MTMR6: variants seen among roughly 807,000 people sequenced by gnomAD.
MTMR6 encodes the protein phosphatidylinositol-3,5-bisphosphate 3-phosphatase MTMR6.
Under a neutral mutation model 80.1 loss-of-function variants are expected in MTMR6, and 47 were observed. The ratio of observed to expected loss-of-function variants is 0.59; its 90% CI spans 0.46 to 0.75. MTMR6 has a LOEUF of 0.75. Among genes scored for constraint, MTMR6 ranks in the 30% least tolerant of loss-of-function variants. The pLI, the probability that MTMR6 is intolerant of heterozygous loss-of-function variation, is 0.00. For synonymous variants in MTMR6, 254 were observed against 253.0 expected (o/e 1.00, Z -0.04); for missense variants, 629 against 730.9 (o/e 0.86, Z 1.61).
At chr13:25,255,084 T>A (rs922494053) in intron 9 of MTMR6, among the ~76,000 whole-genome samples, 2 of 152,212 alleles carry the variant, frequency 1.3e-5, no homozygotes, top group African/African-American at 4.8e-5. Flanking sequence ...TAAACACATA[T>A]TTGTAGTATT....
In MTMR6 at chr13:25,249,511, T is replaced by A. The variant is rs1213478742; in HGVS notation, c.1606-19A>T. ...TAATTTTCTAGAACAAACACAAATT[T>A]GAAAAAATTACTAATTGCATAAGCC... On this transcript the variant is annotated intron_variant, in intron 13 of 13. Transcript: ENST00000381801. 1 of 1,601,980 alleles carries A rather than the reference T, an allele frequency of 6.2e-7. No individual in the cohort carries two copies. The highest frequency in any genetic ancestry group is 2.2e-5 in the East Asian group (1 of 44,722).
At chr13:25,261,509 T>A (rs905874731) in intron 6 of MTMR6, among the ~76,000 whole-genome samples, 159 bp downstream of exon 6, 18 of 152,094 alleles carry the variant, frequency 1.2e-4, no homozygotes, top group African/African-American at 4.3e-4. Flanking sequence ...TAAATTGGTA[T>A]CCTTTAAATA....
intron 9 of MTMR6, among the ~76,000 whole-genome samples, chr13:25,256,538 T>A (rs79073694): frequency 0.028 from 4,205 of 152,292 alleles, 72 homozygotes; most frequent in Non-Finnish European, 0.042. Flanking sequence ...TAATTTACCA[T>A]GAGTTAAGAT....
At position 25,253,895 on chromosome 13, in the gene MTMR6, C is replaced by T. The variant is rs150032485; in HGVS notation, c.1215G>A (p.Trp405Ter). 3.1e-6 allele frequency: 5 copies of T among 1,614,002 alleles called. No homozygotes were observed. Among genetic ancestry groups the T allele is most frequent in the Non-Finnish European group, 4.2e-6 (5 of 1,180,008 alleles). The change falls in exon 11 of 14, where the codon TGG (tryptophan) becomes TGA (stop). Residue 405 changes from tryptophan to a stop codon, truncating the protein, a stop_gained. Transcript: ENST00000381801. LOFTEE classifies it high-confidence loss of function. Reference sequence around the variant, plus strand: ...CTTGTGGAAACTGTTCGGTCAAATGCCACACACATTCCAAGAACTGAGTAA... The same window carrying T: ...CTTGTGGAAACTGTTCGGTCAAATGTCACACACATTCCAAGAACTGAGTAA... ...PVFTQFLECV[W>*]HLTEQFPQAF...
At chr13:25,258,779 T>C in intron 6 of MTMR6, 87 bp from the exon 7 acceptor site, 1 of 1,214,036 alleles carries the variant, frequency 8.2e-7, no homozygotes, top group Non-Finnish European at 1.1e-6. Flanking sequence ...AGCAGTATTT[T>C]AGCTAGGAGG....
rs1380676647 is a variant in MTMR6, at chr13:25,287,253, G to A, written c.-6C>T. ...GTCGTCCGGATATGCTCCATCGCAA[G>A]GAGACGTCAGCCGGCAGCCGGTCTC... On this transcript the variant is annotated 5_prime_UTR_variant, in exon 1 of 14. Transcript: ENST00000381801. 1 of 1,593,326 alleles carries A rather than the reference G, an allele frequency of 6.3e-7. No individual in the cohort carries two copies.
At chr13:25,277,103 A>G (rs1007016999) in intron 1 of MTMR6, among the ~76,000 whole-genome samples, 2 of 151,830 alleles carry the variant, frequency 1.3e-5, no homozygotes, top group South Asian at 4.2e-4. Flanking sequence ...TTCCCCTCTC[A>G]CCCCTCACAA....
chr13:25,261,105 C>T (rs978717430), intron 6 of MTMR6, among the ~76,000 whole-genome samples: 2 of 151,582 alleles, frequency 1.3e-5, no homozygotes, highest in African/African-American at 4.8e-5. Context: ...GCCAGGAGTT[C>T]GAGACCAGCC....
In MTMR6 at chr13:25,258,690, CA is replaced by C; in HGVS notation, c.728del (p.Leu243ArgfsTer35). On this transcript the variant is annotated frameshift_variant and splice_region_variant, in exon 7 of 14. Transcript: ENST00000381801. LOFTEE classifies it high-confidence loss of function. ...YMYVMDTRPK[L>X]NAMANRAAGK... ...CAGCTGCTCTGTTGGCCATTGCATTCAGCTAAAATTAAAAGTTTTAGAAATT... is the reference window on the plus strand; with the variant it reads ...CAGCTGCTCTGTTGGCCATTGCATTCGCTAAAATTAAAAGTTTTAGAAATT... The C allele has an allele frequency of 6.5e-7, 1 of 1,540,786 alleles. No individual in the cohort carries two copies. The highest frequency in any genetic ancestry group is 8.7e-7 in the Non-Finnish European group (1 of 1,154,186).
intron 1 of MTMR6, among the ~76,000 whole-genome samples, chr13:25,279,157 G>A (rs973620678): frequency 6.6e-6 from 1 of 152,088 alleles, no homozygotes; most frequent in Non-Finnish European, 1.5e-5. Context: ...CTGTGTCCCC[G>A]TCCAAATTTC....
Position 25,251,722 on chromosome 13 carries a change from G to C in MTMR6, c.1532C>G (p.Ser511Cys), listed in dbSNP as rs761969841. ...QFDRTLHPRQ[S>C]VFNIIMNMNE... ...CATATTCATAATTATATTAAATACA[G>C]ACTGCCTAGGATGCAGTGTTCGATC... Residue 511 changes from serine to cysteine, a missense_variant, in exon 13 of 14, where the codon TCT becomes TGT. Coordinates refer to ENST00000381801, the MANE Select transcript of MTMR6 (RefSeq NM_004685.5). This position sits in a 1 kb window ranked among gnomAD's most constrained non-coding sequence, Gnocchi z 4.1. 6.3e-7 allele frequency: 1 copy of C among 1,584,744 alleles called. No homozygotes were observed. The highest frequency in any genetic ancestry group is 1.1e-5 in the South Asian group (1 of 89,258).
chr13:25,274,977 C>T (rs1443131278), intron 1 of MTMR6, among the ~76,000 whole-genome samples: 1 of 145,424 alleles, frequency 6.9e-6, no homozygotes, highest in Non-Finnish European at 1.5e-5. Flanking sequence ...CACACACACA[C>T]ACACACACAC....
chr13:25,285,394 C>A (rs1957934381), intron 1 of MTMR6, among the ~76,000 whole-genome samples: 2 of 131,126 alleles, frequency 1.5e-5, no homozygotes, highest in East Asian at 5.3e-4. Flanking sequence ...TTTCCGCCCC[C>A]CCCCCCCCAA....
At chr13:25,272,779 TTC>T (rs1351788760) in intron 2 of MTMR6, among the ~76,000 whole-genome samples, 1 of 152,228 alleles carries the variant, frequency 6.6e-6, no homozygotes, top group African/African-American at 2.4e-5. Context: ...CATGATTTTG[TTC>T]TCTTTTTATG....
At chr13:25,250,629 T>C (rs1448998820) in intron 13 of MTMR6, among the ~76,000 whole-genome samples, 1 of 152,204 alleles carries the variant, frequency 6.6e-6, no homozygotes, top group African/African-American at 2.4e-5. Context: ...TATTCATCCA[T>C]AGCTGAATGG....
rs537214797 is a variant in MTMR6 at position 25,258,415 on chromosome 13, T to C, written c.859+145A>G. The C allele has an allele frequency of 1.6e-3, 907 of 583,474 alleles. 1 individual carries two copies. The highest frequency in any genetic ancestry group is 2.3e-3 in the Non-Finnish European group (839 of 365,768). The allele number at this position is 583,474 out of a possible 1,614,324, so 36.1% of individuals were successfully genotyped here. A position where few individuals can be genotyped will look rare whatever the true frequency, so the allele number is the denominator to read the frequency against. ...ACATGTTAAAATAATGTTTATAATATATTAAGTAAGGATATTATTAAAATT... is the reference window on the plus strand; with the variant it reads ...ACATGTTAAAATAATGTTTATAATACATTAAGTAAGGATATTATTAAAATT... On this transcript the variant is annotated intron_variant, in intron 7 of 13. Coordinates refer to ENST00000381801, the MANE Select transcript of MTMR6 (RefSeq NM_004685.5).
chr13:25,286,912 GA>G (rs1335403778), intron 1 of MTMR6, among the ~76,000 whole-genome samples: 1 of 152,120 alleles, frequency 6.6e-6, no homozygotes, highest in East Asian at 1.9e-4. Flanking sequence ...AAAGTTAAAG[GA>G]GCCCCAATTT....
rs56833434 is a variant in MTMR6, at chr13:25,261,303, TAAAAAAA to T, written c.726+358_726+364del. On this transcript the variant is annotated intron_variant, in intron 6 of 13. Transcript: ENST00000381801. ...AGGGTGACAGAGTGCAACTCTGTCTTAAAAAAAAAAAAAAAAAAAAAAAAAAAAAAGA... is the reference window on the plus strand; with the variant it reads ...AGGGTGACAGAGTGCAACTCTGTCTTAAAAAAAAAAAAAAAAAAAAAAAGA... 4.9e-4 allele frequency among the ~76,000 whole-genome samples: 20 copies of T among 40,868 alleles called. 1 individual carries two copies. Among genetic ancestry groups the T allele is most frequent in the African/African-American group, 1.7e-3 (20 of 11,522 alleles). 26.8% of individuals were successfully genotyped at this position (40,868 alleles called of 152,430 possible). A position where few individuals can be genotyped will look rare whatever the true frequency, so the allele number is the denominator to read the frequency against.
chr13:25,253,435 T>C (rs1957129829), intron 11 of MTMR6, among the ~76,000 whole-genome samples: 1 of 152,244 alleles, frequency 6.6e-6, no homozygotes, highest in East Asian at 1.9e-4. Flanking sequence ...ATGAGGAGAC[T>C]TTCCAGGGTG....
Sources: gnomAD v4.1 joint callset for allele counts (sites outside exome capture counted in the v4.1 genomes callset) on GRCh38, gnomAD v4.1.1 for gene constraint, Gnocchi (gnomAD v3.1) non-coding constraint, MANE v1.5 for transcripts, NCBI Gene and HGNC (gene_info 2026-07-23, HGNC 2026-07-21) for gene names.